The following CNDP1 variants were observed in gnomAD, a reference collection of about 807,000 sequenced individuals.
The protein encoded by CNDP1 is carnosine dipeptidase 1, also known as beta-Ala-His dipeptidase.
CNDP1 carries 44 observed loss-of-function variants against 58.1 expected under a neutral mutation model. The observed-to-expected ratio is 0.76, with a 90% CI of 0.60 to 0.97. CNDP1 has a LOEUF of 0.97. CNDP1 is among the 50% of genes least tolerant of loss of function. CNDP1 has a pLI of 0.00. For missense variants in CNDP1, 616 were observed against 655.1 expected, an observed-to-expected ratio of 0.94 and a Z score of 0.65; for synonymous variants, 254 against 252.6, an observed-to-expected ratio of 1.01 and a Z score of -0.05.
rs547168984 is a variant in CNDP1 at position 74,584,900 on chromosome 18, C to T, written c.*338C>T. 5.2e-5 allele frequency: 12 copies of T among 230,224 alleles called. No homozygotes were observed. In the East Asian group the frequency reaches 7.9e-4, roughly 15 times the overall value. The allele number at this position is 230,224 out of a possible 1,614,324, so 14.3% of individuals were successfully genotyped here. On this transcript the variant is annotated 3_prime_UTR_variant, in exon 12 of 12. Coordinates refer to ENST00000358821, the MANE Select transcript of CNDP1 (RefSeq NM_032649.6). ...TGCAATTTGATTGGCATAATCACTC[C>T]AGTTTGCTTTCTAGGTCCTCAAGTG...
intron 5 of CNDP1, 70 bp from the exon 6 acceptor site, chr18:74,567,163 A>G (rs1981349909): frequency 8.1e-7 from 1 of 1,236,752 alleles, no homozygotes; most frequent in Admixed American, 1.7e-5. Context: ...ATTCAAGTTG[A>G]GATTTGGTGG....
chr18:74,566,481 A>C (rs1332171660), intron 5 of CNDP1, among the ~76,000 whole-genome samples: 1 of 152,180 alleles, frequency 6.6e-6, no homozygotes, highest in Non-Finnish European at 1.5e-5. Flanking sequence ...TTGCTTTGAC[A>C]TTTCTTTTAC....
In CNDP1 at chr18:74,578,180, C is replaced by T; in HGVS notation, c.1020C>T (p.His340=). The T allele has an allele frequency of 6.2e-7, 1 of 1,613,264 alleles. No homozygotes were observed. The highest frequency in any genetic ancestry group is 8.5e-7 in the Non-Finnish European group (1 of 1,179,794). Reference sequence around the variant, plus strand: ...TAATATAGGAGGAGATTCTAATGCACCTCTGGAGGTACCCATCTCTTTCTA... The same window carrying T: ...TAATATAGGAGGAGATTCTAATGCATCTCTGGAGGTACCCATCTCTTTCTA... ...LFDTKEEILM[H]LWRYPSLSIH... is the part of the protein sequence containing the mutation. The change falls in exon 9 of 12, where the codon CAC becomes CAT. Residue 340 remains histidine, a synonymous_variant. Transcript: ENST00000358821.
In CNDP1 at chr18:74,562,059, G is replaced by A; in HGVS notation, c.479G>A (p.Gly160Glu). 6.2e-7 allele frequency: 1 copy of A among 1,614,054 alleles called. No individual in the cohort carries two copies. Among genetic ancestry groups the A allele is most frequent in the Non-Finnish European group, 8.5e-7 (1 of 1,179,946 alleles). ...VLTEVDGKLY[G>E]RGATDNKGPV... ...CCCCTTTTTAAAGGGAAACTTTATG[G>A]ACGAGGAGCGACCGACAACAAAGGC... Residue 160 changes from glycine to glutamate, a missense_variant, in exon 5 of 12, where the codon GGA becomes GAA. Transcript: ENST00000358821.
rs971981186 is a variant in CNDP1, at chr18:74,545,659, T to C, written c.25-10679T>C. The stretch of plus-strand genomic sequence containing the variant: ...AACTCCCCACTCCCTCCGACCCTCC[T>C]CCTCCTCTCTGCTGTTCTGCGGCCG... On this transcript the variant is annotated intron_variant, in intron 1 of 11. Transcript: ENST00000358821. The surrounding 1 kb of genome is among the most constrained non-coding windows in gnomAD (Gnocchi z 4.1). Among the ~76,000 whole-genome samples, 1 of 151,942 alleles carries C rather than the reference T, an allele frequency of 6.6e-6. No individual in the cohort carries two copies. The highest frequency in any genetic ancestry group is 2.4e-5 in the African/African-American group (1 of 41,348).
chr18:74,551,361 A>AACACACACACACACACACAC (rs74178982), intron 1 of CNDP1, among the ~76,000 whole-genome samples: 2 of 147,970 alleles, frequency 1.4e-5, no homozygotes, highest in Admixed American at 6.7e-5. Context: ...GCACAACTGT[A>AACACACACACACACACACAC]ACACACACAC....
At chr18:74,562,213 T>A in intron 5 of CNDP1, 78 bp downstream of exon 5, 3 of 1,287,694 alleles carry the variant, frequency 2.3e-6, no homozygotes, top group South Asian at 1.2e-5. Flanking sequence ...TGCTGTGTTC[T>A]GAGCAAACTG....
At chr18:74,579,284 C>T (rs1981726532) in intron 9 of CNDP1, among the ~76,000 whole-genome samples, 1 of 147,436 alleles carries the variant, frequency 6.8e-6, no homozygotes, top group Non-Finnish European at 1.5e-5. Flanking sequence ...CTCCCGCCCT[C>T]CTTCCATCCT....
intron 1 of CNDP1, among the ~76,000 whole-genome samples, chr18:74,538,944 T>C (rs1980549543): frequency 6.6e-6 from 1 of 152,180 alleles, no homozygotes; most frequent in Non-Finnish European, 1.5e-5. Context: ...TTTTCTTGGC[T>C]CTTCCAGGGT....
At chr18:74,561,414 C>CAAAA (rs11447097) in intron 4 of CNDP1, 13 of 130,450 alleles carry the variant, frequency 1.0e-4, no homozygotes, top group South Asian at 2.7e-4. Context: ...GAGACTTCAT[C>CAAAA]AAAAAAAAAA....
intron 7 of CNDP1, among the ~76,000 whole-genome samples, chr18:74,575,647 G>A (rs1981612405): frequency 6.6e-6 from 1 of 152,078 alleles, no homozygotes; most frequent in East Asian, 1.9e-4. Flanking sequence ...GGATTTTGTG[G>A]TCATGATGGT....
intron 1 of CNDP1, among the ~76,000 whole-genome samples, chr18:74,541,938 G>A (rs1031404434): frequency 3.9e-5 from 6 of 152,164 alleles, no homozygotes; most frequent in East Asian, 3.9e-4. Flanking sequence ...GGAATGGGGC[G>A]CATTGTGAAA....
At chr18:74,557,691 C>A (rs189416833) in intron 2 of CNDP1, among the ~76,000 whole-genome samples, 2 of 152,284 alleles carry the variant, frequency 1.3e-5, no homozygotes, top group East Asian at 3.9e-4. Flanking sequence ...TCCTTGAGGT[C>A]TCCCTGGACT....
Position 74,545,857 on chromosome 18 carries a change from C to T in CNDP1, c.25-10481C>T, listed in dbSNP as rs1020538698. The stretch of plus-strand genomic sequence containing the variant: ...TACGATATCTCCAAAGGAGAATGTT[C>T]GCCTTGGGTTTTGGCTCCAGCGTCA... On this transcript the variant is annotated intron_variant, in intron 1 of 11. Transcript: ENST00000358821. This position sits in a 1 kb window ranked among gnomAD's most constrained non-coding sequence, Gnocchi z 4.1. 4.6e-5 allele frequency among the ~76,000 whole-genome samples: 7 copies of T among 152,198 alleles called. No homozygotes were observed. Among genetic ancestry groups the T allele is most frequent in the African/African-American group, 1.4e-4 (6 of 41,448 alleles).
intron 11 of CNDP1, 134 bp from the exon 12 acceptor site, chr18:74,584,362 A>C: frequency 3.1e-6 from 2 of 641,540 alleles, no homozygotes; most frequent in Non-Finnish European, 5.5e-6. Context: ...TCATACTGGG[A>C]TCTCAGAAGT....
intron 7 of CNDP1, among the ~76,000 whole-genome samples, chr18:74,575,802 CAGGT>C (rs1981616957): frequency 7.0e-6 from 1 of 142,154 alleles, no homozygotes; most frequent in Non-Finnish European, 1.5e-5. Context: ...TTTGGTTTCT[CAGGT>C]ATGTATGTAT....
At chr18:74,579,135 C>T (rs1235708910) in intron 9 of CNDP1, among the ~76,000 whole-genome samples, 4 of 150,246 alleles carry the variant, frequency 2.7e-5, no homozygotes, top group Admixed American at 2.7e-4. Context: ...TCCTTCCTTC[C>T]CTGCCTCTCT....
At chr18:74,559,697 C>A (rs1209106513) in intron 3 of CNDP1, among the ~76,000 whole-genome samples, 1 of 152,184 alleles carries the variant, frequency 6.6e-6, no homozygotes, top group African/African-American at 2.4e-5. Context: ...GAAGCCAGTG[C>A]AGATGACAAG....
chr18:74,541,573 A>G (rs1980625020), intron 1 of CNDP1, among the ~76,000 whole-genome samples: 1 of 152,174 alleles, frequency 6.6e-6, no homozygotes, highest in African/African-American at 2.4e-5. Flanking sequence ...GGAAATATGC[A>G]CATGCGGTTG....
Sources: gnomAD v4.1 joint callset for allele counts (sites outside exome capture counted in the v4.1 genomes callset) on GRCh38, gnomAD v4.1.1 for gene constraint, Gnocchi (gnomAD v3.1) non-coding constraint, MANE v1.5 for transcripts, NCBI Gene and HGNC (gene_info 2026-07-23, HGNC 2026-07-21) for gene names.